CNTNAP2: variants seen among roughly 807,000 people sequenced by gnomAD.
CNTNAP2 encodes contactin associated protein 2, also known as contactin-associated protein-like 2.
Under a neutral mutation model 155.2 loss-of-function variants are expected in CNTNAP2, and 98 were observed. The observed-to-expected ratio is 0.63, with a 90% confidence interval of 0.54 to 0.75. The LOEUF (loss-of-function observed/expected upper bound fraction) is 0.75. CNTNAP2 is among the 30% of genes least tolerant of loss of function. The pLI, the probability that CNTNAP2 is intolerant of heterozygous loss-of-function variation, is 0.00. For synonymous variants in CNTNAP2, 651 were observed against 631.2 expected (o/e 1.03, Z -0.47); for missense variants, 1,727 against 1,688.1 (o/e 1.02, Z -0.40).
At chr7:146,902,500 T>C (rs1013231594) in intron 3 of CNTNAP2, among the ~76,000 whole-genome samples, 1 of 152,208 alleles carries the variant, frequency 6.6e-6, no homozygotes, top group African/African-American at 2.4e-5. Context: ...TTCCACCACA[T>C]TGTAATCTTA....
intron 10 of CNTNAP2, among the ~76,000 whole-genome samples, chr7:147,465,035 C>T (rs1189140925): frequency 2.6e-5 from 4 of 152,098 alleles, no homozygotes; most frequent in African/African-American, 9.7e-5. Context: ...AAGGTATTAT[C>T]CTAAGTGAAT....
At chr7:147,034,245 A>T (rs777331017) in intron 3 of CNTNAP2, among the ~76,000 whole-genome samples, 3 of 152,200 alleles carry the variant, frequency 2.0e-5, no homozygotes, top group Non-Finnish European at 4.4e-5. Context: ...ACAAACAATG[A>T]GGACAACTAG....
chr7:148,194,674 C>T (rs1207137417), intron 18 of CNTNAP2, among the ~76,000 whole-genome samples: 1 of 152,096 alleles, frequency 6.6e-6, no homozygotes, highest in East Asian at 1.9e-4. Context: ...ACCTCCAGTC[C>T]AAGACGAGAG....
At chr7:147,484,247 A>G (rs1455030419) in intron 10 of CNTNAP2, among the ~76,000 whole-genome samples, 1 of 152,100 alleles carries the variant, frequency 6.6e-6, no homozygotes, top group African/African-American at 2.4e-5. Context: ...TGAATTTTCC[A>G]TCCCTCATGA....
intron 13 of CNTNAP2, among the ~76,000 whole-genome samples, chr7:147,753,108 A>G (rs1797163396): frequency 6.6e-6 from 1 of 152,212 alleles, no homozygotes; most frequent in Non-Finnish European, 1.5e-5. Context: ...CATTATACAT[A>G]GAGGTTCTTT....
chr7:147,838,002 T>A (rs1179487129), intron 13 of CNTNAP2, among the ~76,000 whole-genome samples: 1 of 152,196 alleles, frequency 6.6e-6, no homozygotes, highest in Non-Finnish European at 1.5e-5. Flanking sequence ...TCCAGGCATT[T>A]CCATACATCT....
intron 13 of CNTNAP2, among the ~76,000 whole-genome samples, chr7:147,707,863 G>A (rs902930117): frequency 6.6e-6 from 1 of 152,144 alleles, no homozygotes; most frequent in Non-Finnish European, 1.5e-5. Flanking sequence ...GCATTGTTGT[G>A]GGCATTGGCT....
At chr7:147,863,011 A>G (rs1799163887) in intron 13 of CNTNAP2, among the ~76,000 whole-genome samples, 2 of 152,072 alleles carry the variant, frequency 1.3e-5, no homozygotes, top group Non-Finnish European at 2.9e-5. Flanking sequence ...TACATATGCC[A>G]TGTTGGTTTG....
intron 18 of CNTNAP2, among the ~76,000 whole-genome samples, chr7:148,179,796 C>T (rs1795005976): frequency 6.6e-6 from 1 of 152,048 alleles, no homozygotes; most frequent in Admixed American, 6.6e-5. Flanking sequence ...AGAAAGGTCC[C>T]AGACTCCTTT....
intron 18 of CNTNAP2, among the ~76,000 whole-genome samples, chr7:148,179,136 C>A (rs756536362): frequency 6.6e-6 from 1 of 152,156 alleles, no homozygotes; most frequent in Non-Finnish European, 1.5e-5. Context: ...AGCAATGTAT[C>A]CAGTCCTTTC....
chr7:146,712,224 A>AT lies in CNTNAP2; in HGVS notation c.98-62047_98-62046insT, dbSNP rs1386965779. Among the ~76,000 whole-genome samples the AT allele has an allele frequency of 1.3e-4, 16 of 118,740 alleles. 3 individuals are homozygous for AT. The highest frequency in any genetic ancestry group is 3.4e-4 in the African/African-American group (11 of 32,554). 77.9% of individuals were successfully genotyped at this position (118,740 alleles called of 152,430 possible). Reference sequence around the variant, plus strand: ...ATATGTATACATATCTTATGTATACAAATATGTATACATATCTTATGTATA... The same window carrying AT: ...ATATGTATACATATCTTATGTATACATAATATGTATACATATCTTATGTATA... On this transcript the variant is annotated intron_variant, in intron 1 of 23. Coordinates refer to ENST00000361727, the MANE Select transcript of CNTNAP2 (RefSeq NM_014141.6).
Position 146,215,511 on chromosome 7 carries a change from C to T in CNTNAP2, c.97+98538C>T, listed in dbSNP as rs922694180. ...CTCATCACTAGATAAGTGATTCTGA[C>T]AAAATTGCCATTTTATGGAATTGAT... is the stretch of plus-strand genomic sequence containing the variant. On this transcript the variant is annotated intron_variant, in intron 1 of 23. Coordinates refer to ENST00000361727, the MANE Select transcript of CNTNAP2 (RefSeq NM_014141.6). 3.3e-5 allele frequency among the ~76,000 whole-genome samples: 5 copies of T among 151,972 alleles called. No individual in the cohort carries two copies. The East Asian group carries it at 9.7e-4, about 29-fold the overall frequency.
chr7:147,510,870 T>TATATATATATATATATATAA (rs1554400075), intron 11 of CNTNAP2, among the ~76,000 whole-genome samples: 4 of 143,108 alleles, frequency 2.8e-5, no homozygotes, highest in Non-Finnish European at 4.5e-5. Context: ...TATATATATA[T>TATATATATATATATATATAA]AATGCTTCCT....
At chr7:147,420,637 A>T (rs1363634840) in intron 10 of CNTNAP2, among the ~76,000 whole-genome samples, 1 of 152,130 alleles carries the variant, frequency 6.6e-6, no homozygotes, top group Non-Finnish European at 1.5e-5. Flanking sequence ...TTTGAAAGTT[A>T]CTCCCTCAAA....
intron 1 of CNTNAP2, among the ~76,000 whole-genome samples, chr7:146,202,085 T>C (rs6960368): frequency 0.25 from 38,525 of 152,074 alleles, 5,111 homozygotes; most frequent in Middle Eastern, 0.33. Flanking sequence ...TCATTTATAC[T>C]GCATCCTTAT....
chr7:146,487,331 A>G (rs1052411958), intron 1 of CNTNAP2, among the ~76,000 whole-genome samples: 2 of 152,210 alleles, frequency 1.3e-5, no homozygotes, highest in Non-Finnish European at 2.9e-5. Flanking sequence ...GTTAATGGAG[A>G]CATTTAAAAG....
At chr7:147,105,039 C>T (rs59682232) in intron 4 of CNTNAP2, among the ~76,000 whole-genome samples, 9,822 of 150,770 alleles carry the variant, frequency 0.065, 1,050 homozygotes, top group African/African-American at 0.22. Context: ...TCACTCTCTA[C>T]TTTCTATATT....
intron 18 of CNTNAP2, among the ~76,000 whole-genome samples, chr7:148,209,397 G>A (rs1585189098): frequency 6.8e-6 from 1 of 148,130 alleles, no homozygotes; most frequent in Non-Finnish European, 1.5e-5. Context: ...GCCTTCCAAA[G>A]TGCTGGGATT....
intron 8 of CNTNAP2, among the ~76,000 whole-genome samples, chr7:147,180,720 C>A (rs184451619): frequency 2.6e-5 from 4 of 152,048 alleles, no homozygotes; most frequent in Admixed American, 2.0e-4. Context: ...ACTGAAGTTA[C>A]CTTCATTCAA....
Sources: allele counts gnomAD v4.1 joint callset (sites outside exome capture counted in the v4.1 genomes callset), GRCh38; gene constraint gnomAD v4.1.1; transcripts MANE v1.5; gene names NCBI Gene and HGNC (gene_info 2026-07-23, HGNC 2026-07-21).